SCMH1: variants seen among roughly 807,000 people sequenced by gnomAD.
SCMH1 encodes the protein Scm polycomb group protein homolog 1, also known as polycomb protein SCMH1.
In SCMH1, 37 loss-of-function variants were observed where a neutral mutation model predicts 70.8. The observed-to-expected ratio is 0.52, with a 90% confidence interval of 0.40 to 0.69. SCMH1 has a LOEUF of 0.69. Ranked by LOEUF, SCMH1 falls within the 30% of genes least tolerant of loss-of-function variation. SCMH1 has a pLI of 0.00. For synonymous variants in SCMH1, 292 were observed against 307.4 expected, an observed-to-expected ratio of 0.95 and a Z score of 0.52; for missense variants, 607 against 827.3, an observed-to-expected ratio of 0.73 and a Z score of 3.27.
chr1:41,215,050 G>A (rs917306306), intron 1 of SCMH1, among the ~76,000 whole-genome samples: 1 of 152,048 alleles, frequency 6.6e-6, no homozygotes, highest in African/African-American at 2.4e-5. Flanking sequence ...GTTATTTTTT[G>A]TGATTTTTCA....
chr1:41,209,140 C>G (rs1573079201), intron 1 of SCMH1, among the ~76,000 whole-genome samples: 1 of 152,172 alleles, frequency 6.6e-6, no homozygotes, highest in Admixed American at 6.5e-5. Flanking sequence ...TTCCTGGACA[C>G]ATACACCCTC....
chr1:41,107,181 T>C (rs1357639930), intron 8 of SCMH1, among the ~76,000 whole-genome samples: 8 of 151,870 alleles, frequency 5.3e-5, no homozygotes, highest in African/African-American at 1.7e-4. Flanking sequence ...CCAATAGCTA[T>C]AGAGCAGCCC....
At chr1:41,173,719 C>G (rs1010806280) in intron 2 of SCMH1, among the ~76,000 whole-genome samples, 1 of 152,028 alleles carries the variant, frequency 6.6e-6, no homozygotes, top group Non-Finnish European at 1.5e-5. Context: ...ACCAAAGTGT[C>G]CATCATTAGA....
chr1:41,102,418 C>T (rs1666853995), intron 8 of SCMH1, among the ~76,000 whole-genome samples: 1 of 152,230 alleles, frequency 6.6e-6, no homozygotes, highest in South Asian at 2.1e-4. Context: ...AAACTCCAGT[C>T]TTCTAAATTC....
chr1:41,037,565 T>TAA, intron 12 of SCMH1, 24 bp from the exon 13 acceptor site: 1 of 1,608,156 alleles, frequency 6.2e-7, no homozygotes. Context: ...AAACCAGAGT[T>TAA]AGAGCTTAGA....
intron 6 of SCMH1, among the ~76,000 whole-genome samples, chr1:41,131,085 A>G (rs1674572868): frequency 6.6e-6 from 1 of 152,162 alleles, no homozygotes; most frequent in Admixed American, 6.5e-5. Context: ...TGTATATGGC[A>G]TAGAGGTAGG....
intron 6 of SCMH1, among the ~76,000 whole-genome samples, chr1:41,134,514 C>T (rs140730497): frequency 7.0e-4 from 106 of 152,210 alleles, no homozygotes; most frequent in African/African-American, 2.3e-3. Flanking sequence ...ACAGATGACA[C>T]GATTGTATAT....
chr1:41,049,030 G>C, intron 10 of SCMH1, 140 bp from the exon 11 acceptor site: 1 of 767,136 alleles, frequency 1.3e-6, no homozygotes, highest in South Asian at 1.9e-5. Flanking sequence ...GAAATGCTGT[G>C]GGAGGTAGAG....
Position 41,113,673 on chromosome 1 carries a change from T to G in SCMH1, c.502-147A>C. 1.5e-6 allele frequency: 1 copy of G among 685,538 alleles called. No individual in the cohort carries two copies. Among genetic ancestry groups the G allele is most frequent in the Non-Finnish European group, 2.1e-6 (1 of 477,910 alleles). 42.5% of individuals were successfully genotyped at this position (685,538 alleles called of 1,614,324 possible). A position where few individuals can be genotyped will look rare whatever the true frequency, so the allele number is the denominator to read the frequency against. Reference sequence around the variant, plus strand: ...GCCTTTCTTTTAAATTAATTTTAAATTCAATATTTCAATATTTAAAGTATT... The same window carrying G: ...GCCTTTCTTTTAAATTAATTTTAAAGTCAATATTTCAATATTTAAAGTATT... On this transcript the variant is annotated intron_variant, in intron 7 of 14. Coordinates refer to ENST00000337495, the Ensembl canonical transcript of SCMH1. This position sits in a 1 kb window ranked among gnomAD's most constrained non-coding sequence, Gnocchi z 4.3.
intron 12 of SCMH1, among the ~76,000 whole-genome samples, chr1:41,039,632 G>A (rs1645827140): frequency 6.8e-6 from 1 of 146,360 alleles, no homozygotes; most frequent in Admixed American, 6.8e-5. Flanking sequence ...ATGCCCCACT[G>A]ATTTTTTTTT....
rs376262199 is a variant in SCMH1 at position 41,208,141 on chromosome 1, C to T, written c.-117-21891G>A. 8.8e-3 allele frequency among the ~76,000 whole-genome samples: 988 copies of T among 112,242 alleles called. 11 individuals carry two copies. Among genetic ancestry groups the T allele is most frequent in the African/African-American group, 0.033 (938 of 28,844 alleles). 73.6% of individuals were successfully genotyped at this position (112,242 alleles called of 152,430 possible). A position where few individuals can be genotyped will look rare whatever the true frequency, so the allele number is the denominator to read the frequency against. On this transcript the variant is annotated intron_variant, in intron 1 of 14. Coordinates refer to ENST00000337495, the Ensembl canonical transcript of SCMH1. ...ATCCTTTGTAGGGACATGGATGAAACTGGAAACCATCATTCTCAGTAAACT... is the reference window on the plus strand; with the variant it reads ...ATCCTTTGTAGGGACATGGATGAAATTGGAAACCATCATTCTCAGTAAACT...
chr1:41,145,443 C>T (rs1644466422), intron 5 of SCMH1, among the ~76,000 whole-genome samples: 1 of 152,128 alleles, frequency 6.6e-6, no homozygotes, highest in African/African-American at 2.4e-5. Flanking sequence ...CTGCCAGAAC[C>T]ATTATGTCTT....
chr1:41,141,113 T>C (rs55857492), intron 6 of SCMH1, among the ~76,000 whole-genome samples: 1 of 152,062 alleles, frequency 6.6e-6, no homozygotes, highest in Non-Finnish European at 1.5e-5. Context: ...AATAACTAAA[T>C]AGTTGATGAA....
At position 41,214,201 on chromosome 1, in the gene SCMH1, G is replaced by T. The variant is rs772007086; in HGVS notation, c.-118+27858C>A. Among the ~76,000 whole-genome samples, 30 of 151,958 alleles carry T rather than the reference G, an allele frequency of 2.0e-4. 1 individual carries two copies. The highest frequency in any genetic ancestry group is 4.4e-5 in the Non-Finnish European group (3 of 67,958). ...AGCCTGAGATAAAAATCTGTGTACA[G>T]GTTTTTAAATTGACCTGAAATCTAA... On this transcript the variant is annotated intron_variant, in intron 1 of 14. Coordinates refer to ENST00000337495, the Ensembl canonical transcript of SCMH1.
intron 8 of SCMH1, among the ~76,000 whole-genome samples, chr1:41,102,378 G>A (rs1441228703): frequency 2.0e-5 from 3 of 152,210 alleles, no homozygotes; most frequent in African/African-American, 7.2e-5. Flanking sequence ...GTTCAGCTAT[G>A]TGCTGCCAGC....
At chr1:41,094,128 C>G (rs1465162254) in intron 8 of SCMH1, among the ~76,000 whole-genome samples, 1 of 152,162 alleles carries the variant, frequency 6.6e-6, no homozygotes, top group Non-Finnish European at 1.5e-5. Context: ...CATTTCATCG[C>G]AAAGAATGTT....
intron 6 of SCMH1, among the ~76,000 whole-genome samples, chr1:41,139,687 T>C (rs1025974778): frequency 2.6e-5 from 4 of 152,106 alleles, no homozygotes; most frequent in Non-Finnish European, 5.9e-5. Flanking sequence ...AGGCAGGGGA[T>C]AGATACACAC....
rs1322517856 is a variant in SCMH1, at chr1:41,163,211, C to T, written c.14-1779G>A. ...TGTGCCTGGTCCAGCTGCAGCCTCA[C>T]AGAGAGCTGGCATCCATGCTGCACC... On this transcript the variant is annotated intron_variant, in intron 2 of 14. Transcript: ENST00000337495. Among the ~76,000 whole-genome samples, 5 of 138,184 alleles carry T rather than the reference C, an allele frequency of 3.6e-5. No homozygotes were observed. In the East Asian group the frequency reaches 8.7e-4, roughly 24 times the overall value. The allele number at this position is 138,184 out of a possible 152,430, so 90.7% of individuals were successfully genotyped here.
chr1:41,112,431 T>C (rs1029610076), intron 8 of SCMH1, among the ~76,000 whole-genome samples: 26 of 152,154 alleles, frequency 1.7e-4, no homozygotes, highest in African/African-American at 5.8e-4. Flanking sequence ...TACCTCAAAA[T>C]CTATTCTGGA....
Sources: allele counts gnomAD v4.1 joint callset (sites outside exome capture counted in the v4.1 genomes callset), GRCh38; gene constraint gnomAD v4.1.1; non-coding constraint Gnocchi (gnomAD v3.1); transcripts MANE v1.5; gene names NCBI Gene and HGNC (gene_info 2026-07-23, HGNC 2026-07-21).